The following RNF20 variants were observed in gnomAD, a reference collection of about 807,000 sequenced individuals.
RNF20 encodes the protein E3 ubiquitin-protein ligase BRE1A.
RNF20 carries 84 observed loss-of-function variants against 126.2 expected under a neutral mutation model. The ratio of observed to expected loss-of-function variants is 0.67; its 90% CI spans 0.56 to 0.80. The LOEUF is 0.80. Among genes scored for constraint, RNF20 ranks in the 30% least tolerant of loss-of-function variants. The pLI is 0.00. For missense variants in RNF20, 869 were observed against 1,188.2 expected (o/e 0.73, Z 3.95); for synonymous variants, 400 against 414.3 (o/e 0.97, Z 0.42).
Position 101,546,265 on chromosome 9 carries a change from G to A in RNF20, c.748-555G>A, listed in dbSNP as rs543986330. On this transcript the variant is annotated intron_variant, in intron 6 of 19. Transcript: ENST00000389120. ...TTAAAATACTAAATAGTGTTAGCTG[G>A]TGTATAGCTCCTAAATAGAGTATCT... Among the ~76,000 whole-genome samples, 113 of 152,176 alleles carry A rather than the reference G, an allele frequency of 7.4e-4. 1 individual carries two copies. The highest frequency in any genetic ancestry group is 2.3e-3 in the African/African-American group (94 of 41,532).
chr9:101,537,635 G>A (rs1213529559), intron 2 of RNF20, among the ~76,000 whole-genome samples: 1 of 152,198 alleles, frequency 6.6e-6, no homozygotes, highest in Admixed American at 6.5e-5. Flanking sequence ...GTCAAGGAAT[G>A]AGAAAGGACT....
In RNF20 at chr9:101,540,184, C is replaced by T. The variant is rs752362953; in HGVS notation, c.130-19C>T. The T allele has an allele frequency of 1.4e-5, 23 of 1,610,072 alleles. No homozygotes were observed. Among genetic ancestry groups the T allele is most frequent in the Non-Finnish European group, 1.8e-5 (21 of 1,177,028 alleles). Reference sequence around the variant, plus strand: ...TCTTATTTCTTTGTGGAGACTAATACGATTGGTTTACTGGGCAGGAGGAAC... The same window carrying T: ...TCTTATTTCTTTGTGGAGACTAATATGATTGGTTTACTGGGCAGGAGGAAC... On this transcript the variant is annotated intron_variant, in intron 2 of 19. Transcript: ENST00000389120.
intron 1 of RNF20, among the ~76,000 whole-genome samples, chr9:101,535,076 T>A (rs964415497): frequency 2.0e-4 from 31 of 151,792 alleles, no homozygotes; most frequent in African/African-American, 7.0e-4. Flanking sequence ...CCTGGCTAAT[T>A]TTTTGTATTT....
chr9:101,540,300 T>A lies in RNF20; in HGVS notation c.227T>A (p.Ile76Asn). 2 of 1,614,152 alleles carry A rather than the reference T, an allele frequency of 1.2e-6. No individual in the cohort carries two copies. Among genetic ancestry groups the A allele is most frequent in the East Asian group, 2.2e-5 (1 of 44,874 alleles). Reference protein sequence around the residue: ...QAIEDELREHIEKLERRQATD... With the variant: ...QAIEDELREHNEKLERRQATD... ...ATTGAAGATGAACTTCGTGAGCACA[T>A]TGAAAAACTGGAACGACGACAGGCC... is the stretch of plus-strand genomic sequence containing the variant. The change falls in exon 3 of 20, where the codon ATT (isoleucine) becomes AAT (asparagine). Residue 76 changes from isoleucine to asparagine, a missense_variant. By Grantham distance (149) the Ile-to-Asn change is moderately radical. This residue lies in a region of RNF20 where 157 missense variants were observed against 236.0 expected (regional missense o/e 0.67). Transcript: ENST00000389120.
rs947504662 is a variant in RNF20, at chr9:101,559,428, G to A, written c.2383-1373G>A. Among the ~76,000 whole-genome samples, 6 of 152,148 alleles carry A rather than the reference G, an allele frequency of 3.9e-5. No individual in the cohort carries two copies. In the South Asian group the frequency reaches 6.2e-4, roughly 16 times the overall value. ...TTTTAGGATTGTTTGTTCTAGTTCC[G>A]TGAAGAATGATGTTGGTATTTTGAT... On this transcript the variant is annotated intron_variant, in intron 16 of 19. Transcript: ENST00000389120.
rs1321760612 is a variant in RNF20, at chr9:101,535,380, T to C, written c.-26-18T>C. ...TGCTTACATATATTATGTCAGTTTC[T>C]GCCTTTTTTTCTATCAGGAAAACGA... On this transcript the variant is annotated intron_variant, in intron 1 of 19. Transcript: ENST00000389120. The C allele has an allele frequency of 3.1e-6, 5 of 1,596,646 alleles. No individual in the cohort carries two copies. Among genetic ancestry groups the C allele is most frequent in the Admixed American group, 3.6e-5 (2 of 56,048 alleles).
intron 2 of RNF20, 142 bp from the exon 3 acceptor site, chr9:101,540,058 ACTT>A: frequency 4.1e-6 from 3 of 729,458 alleles, no homozygotes; most frequent in South Asian, 3.9e-5. Context: ...TTCTGCTTCT[ACTT>A]CTTAATTACT....
At chr9:101,552,987 A>G (rs1317202619) in intron 13 of RNF20, among the ~76,000 whole-genome samples, 1 of 152,196 alleles carries the variant, frequency 6.6e-6, no homozygotes, top group African/African-American at 2.4e-5. Flanking sequence ...CCTTATTTTT[A>G]TGAATCCAAA....
In RNF20 at chr9:101,552,448, G is replaced by A; in HGVS notation, c.1596G>A (p.Glu532=). 1 of 1,613,040 alleles carries A rather than the reference G, an allele frequency of 6.2e-7. No individual in the cohort carries two copies. The highest frequency in any genetic ancestry group is 8.5e-7 in the Non-Finnish European group (1 of 1,179,056). Residue 532 remains glutamate (E), a synonymous_variant, in exon 13 of 20, where the codon GAG becomes GAA. Coordinates refer to ENST00000389120, the MANE Select transcript of RNF20 (RefSeq NM_019592.7). ...CTAGTACTGAGGACCCGAAGGATGA[G>A]CCTGCGGAGCTAAAACCAGATTCTG... ...SQSSTEDPKD[E]PAELKPDSED... is the part of the protein sequence containing the mutation.
chr9:101,536,904 T>G (rs1445130377), intron 2 of RNF20, among the ~76,000 whole-genome samples: 2 of 152,236 alleles, frequency 1.3e-5, no homozygotes, highest in African/African-American at 4.8e-5. Flanking sequence ...GCTAGCAGAC[T>G]TTTTTCTTTT....
intron 5 of RNF20, among the ~76,000 whole-genome samples, chr9:101,542,595 T>C (rs1426476359): frequency 2.0e-5 from 3 of 152,224 alleles, no homozygotes; most frequent in African/African-American, 7.2e-5. Context: ...GCTTTGTGTG[T>C]GCACATATGC....
intron 9 of RNF20, 90 bp from the exon 10 acceptor site, chr9:101,550,516 G>A (rs865855924): frequency 1.0e-6 from 1 of 998,444 alleles, no homozygotes; most frequent in Non-Finnish European, 1.5e-6. Context: ...CTCTTGTGTA[G>A]GACATCAGTG....
chr9:101,552,434 G>A lies in RNF20; in HGVS notation c.1582G>A (p.Asp528Asn). The change falls in exon 13 of 20, where the codon GAC becomes AAC. Residue 528 changes from aspartate (D) to asparagine (N), a missense_variant. Transcript: ENST00000389120. ...CCTGCAGTCCCAGTCTAGTACTGAGGACCCGAAGGATGAGCCTGCGGAGCT... is the reference window on the plus strand; with the variant it reads ...CCTGCAGTCCCAGTCTAGTACTGAGAACCCGAAGGATGAGCCTGCGGAGCT... ...ALLQSQSSTE[D>N]PKDEPAELKP... 1 of 1,611,322 alleles carries A rather than the reference G, an allele frequency of 6.2e-7. No individual in the cohort carries two copies. Among genetic ancestry groups the A allele is most frequent in the Non-Finnish European group, 8.5e-7 (1 of 1,177,762 alleles).
In RNF20 at chr9:101,561,973, T is replaced by G. The variant is rs1423067545; in HGVS notation, c.2713T>G (p.Cys905Gly). 6.2e-7 allele frequency: 1 copy of G among 1,612,346 alleles called. No homozygotes were observed. The highest frequency in any genetic ancestry group is 8.5e-7 in the Non-Finnish European group (1 of 1,179,398). Residue 905 changes from cysteine to glycine, a missense_variant, in exon 19 of 20, where the codon TGT (cysteine) becomes GGT (glycine). Cys to Gly is a radical substitution (Grantham distance 159, BLOSUM62 -3). Coordinates refer to ENST00000389120, the MANE Select transcript of RNF20 (RefSeq NM_019592.7). ...AAAGAAACCAGACAATGTACCCAAG[T>G]GTGATGAGATTCTGATGGAAGAGAT... ...TTKKPDNVPK[C>G]DEILMEEIKD...
At chr9:101,558,880 CT>C (rs1827581072) in intron 16 of RNF20, among the ~76,000 whole-genome samples, 1 of 152,080 alleles carries the variant, frequency 6.6e-6, no homozygotes, top group African/African-American at 2.4e-5. Context: ...ATTTCTTTTG[CT>C]GTGCAGAAGC....
At chr9:101,537,942 A>T (rs566388514) in intron 2 of RNF20, among the ~76,000 whole-genome samples, 1 of 152,344 alleles carries the variant, frequency 6.6e-6, no homozygotes, top group South Asian at 2.1e-4. Flanking sequence ...AAAAGAGAGT[A>T]GAGACAATGC....
chr9:101,537,635 G>T (rs1213529559), intron 2 of RNF20, among the ~76,000 whole-genome samples: 1 of 152,198 alleles, frequency 6.6e-6, no homozygotes, highest in Non-Finnish European at 1.5e-5. Flanking sequence ...GTCAAGGAAT[G>T]AGAAAGGACT....
chr9:101,561,444 G>A (rs1389538365), intron 18 of RNF20: 2 of 509,100 alleles, frequency 3.9e-6, no homozygotes, highest in East Asian at 6.7e-5. Flanking sequence ...ATAAATATTT[G>A]TTAAATTAAT....
In RNF20 at chr9:101,562,350, C is replaced by T. The variant is rs576659326; in HGVS notation, c.2856C>T (p.Thr952=). The change falls in exon 20 of 20, where the codon ACC becomes ACT. Residue 952 remains threonine, a synonymous_variant. Transcript: ENST00000389120. ...AGTGTGTGAAGACACGCTATGACACCCGCCAGCGCAAATGTCCCAAGTGTA... is the reference window on the plus strand; with the variant it reads ...AGTGTGTGAAGACACGCTATGACACTCGCCAGCGCAAATGTCCCAAGTGTA... The part of the protein sequence containing the change: ...CFECVKTRYD[T]RQRKCPKCNA... 1.2e-6 allele frequency: 2 copies of T among 1,613,984 alleles called. No homozygotes were observed. Among genetic ancestry groups the T allele is most frequent in the Admixed American group, 1.7e-5 (1 of 60,002 alleles).
Sources: allele counts gnomAD v4.1 joint callset (sites outside exome capture counted in the v4.1 genomes callset), GRCh38; gene constraint gnomAD v4.1.1; regional missense constraint gnomAD v4.1.1; transcripts MANE v1.5; gene names NCBI Gene and HGNC (gene_info 2026-07-23, HGNC 2026-07-21).